The following TEX15 variants were observed in gnomAD, a reference collection of about 807,000 sequenced individuals.
The protein encoded by TEX15 is testis expressed 15, meiosis and synapsis associated, also known as testis-expressed protein 15.
TEX15 carries 171 observed loss-of-function variants against 237.3 expected under a neutral mutation model. The observed-to-expected ratio is 0.72, with a 90% CI of 0.64 to 0.82. The LOEUF is 0.82. Among genes scored for constraint, TEX15 ranks in the 40% least tolerant of loss-of-function variants. The pLI, the probability that TEX15 is intolerant of heterozygous loss-of-function variation, is 0.00. For missense variants in TEX15, 3,750 were observed against 3,646.5 expected, an observed-to-expected ratio of 1.03 and a Z score of -0.73; for synonymous variants, 1,338 against 1,269.8, an observed-to-expected ratio of 1.05 and a Z score of -1.14.
At position 30,841,951 on chromosome 8, in the gene TEX15, G is replaced by A. The variant is rs1807463760; in HGVS notation, c.8163+53C>T. The A allele has an allele frequency of 4.6e-6, 6 of 1,297,058 alleles. No individual in the cohort carries two copies. In the Middle Eastern group the frequency reaches 5.8e-4, roughly 126 times the overall value. 80.3% of individuals were successfully genotyped at this position (1,297,058 alleles called of 1,614,324 possible). On this transcript the variant is annotated intron_variant, in intron 8 of 10. Transcript: ENST00000643185. Reference sequence around the variant, plus strand: ...CAAACTACTTGTTTGCTTATGAGTAGACTTGTTTTCAAAAAGAATACTTAT... The same window carrying A: ...CAAACTACTTGTTTGCTTATGAGTAAACTTGTTTTCAAAAAGAATACTTAT...
At chr8:30,888,271 G>C (rs778068457) in intron 2 of TEX15, among the ~76,000 whole-genome samples, 1 of 151,830 alleles carries the variant, frequency 6.6e-6, no homozygotes, top group Admixed American at 6.6e-5. Context: ...TGACTAAAAC[G>C]ATACTCTCTT....
At chr8:30,880,147 C>T (rs1025502621) in intron 3 of TEX15, among the ~76,000 whole-genome samples, 12 of 152,032 alleles carry the variant, frequency 7.9e-5, no homozygotes, top group African/African-American at 2.9e-4. Flanking sequence ...TCATGACTCA[C>T]CCTCCCAAGT....
chr8:30,884,495 A>G (rs906437771), intron 3 of TEX15, among the ~76,000 whole-genome samples: 3 of 152,194 alleles, frequency 2.0e-5, no homozygotes, highest in African/African-American at 7.2e-5. Flanking sequence ...TTAGTTATTG[A>G]TTCAATTTGT....
At chr8:30,887,646 A>G (rs1180423088) in intron 2 of TEX15, 1 of 157,936 alleles carries the variant, frequency 6.3e-6, no homozygotes, top group Non-Finnish European at 1.4e-5. Context: ...TAAAAATACA[A>G]AAAAATTAGC....
At chr8:30,835,691 G>A (rs1775734627) in intron 10 of TEX15, among the ~76,000 whole-genome samples, 2 of 152,248 alleles carry the variant, frequency 1.3e-5, no homozygotes, top group Non-Finnish European at 1.5e-5. Context: ...TTTTTCTGCA[G>A]GATAATTGTT....
rs1331066983 is a variant in TEX15, at chr8:30,846,250, A to C, written c.3917T>G (p.Ile1306Arg). The change falls in exon 8 of 11, where the codon ATA becomes AGA. Residue 1306 changes from isoleucine to arginine, a missense_variant. Transcript: ENST00000643185. ...ESRISKRKLH[I>R]SSRDQNIPHK... The stretch of plus-strand genomic sequence containing the variant: ...TGGTATGTTCTGATCCCTGGAAGAT[A>C]TATGTAGCTTCCTTTTGCTAATTCT... The C allele has an allele frequency of 1.2e-6, 2 of 1,613,400 alleles. No individual in the cohort carries two copies. The highest frequency in any genetic ancestry group is 1.7e-6 in the Non-Finnish European group (2 of 1,179,682).
rs1397695139 is a variant in TEX15, at chr8:30,881,685, G to A, written c.136+5482C>T. Among the ~76,000 whole-genome samples, 3 of 143,412 alleles carry A rather than the reference G, an allele frequency of 2.1e-5. No homozygotes were observed. The South Asian group carries it at 6.5e-4, about 31-fold the overall frequency. 94.1% of individuals were successfully genotyped at this position (143,412 alleles called of 152,430 possible). ...CACCCAGGCTGGAGTGCAATGGCGC[G>A]ATCTTGGCTCACTGCAACCTCCACC... is the stretch of plus-strand genomic sequence containing the variant. On this transcript the variant is annotated intron_variant, in intron 3 of 10. Coordinates refer to ENST00000643185, the MANE Select transcript of TEX15 (RefSeq NM_001350162.2).
chr8:30,872,204 T>C (rs1808305333), intron 4 of TEX15, among the ~76,000 whole-genome samples: 1 of 152,132 alleles, frequency 6.6e-6, no homozygotes, highest in Non-Finnish European at 1.5e-5. Flanking sequence ...CCAGATTGCA[T>C]TTAAAATACA....
chr8:30,870,690 T>C (rs1455873263), intron 4 of TEX15, among the ~76,000 whole-genome samples: 1 of 152,084 alleles, frequency 6.6e-6, no homozygotes, highest in African/African-American at 2.4e-5. Context: ...ACCAAAACGC[T>C]GACAGCTAAG....
chr8:30,888,838 G>T, intron 2 of TEX15: 2 of 336,370 alleles, frequency 5.9e-6, no homozygotes, highest in Non-Finnish European at 1.1e-5. Context: ...AATCAAACAT[G>T]GATCAGGGAA....
At chr8:30,889,952 T>TATATATATAC (rs1264779192) in intron 2 of TEX15, among the ~76,000 whole-genome samples, 1 of 131,944 alleles carries the variant, frequency 7.6e-6, no homozygotes, top group African/African-American at 3.4e-5. Flanking sequence ...TATATATATA[T>TATATATATAC]ACATATATAT....
At position 30,847,904 on chromosome 8, in the gene TEX15, G is replaced by C. The variant is rs1324962756; in HGVS notation, c.2263C>G (p.Gln755Glu). ...TCAGTTATAATGCTAGCATAATTTT[G>C]ATTTATTTTCCCCAATTTCAGTTCC... Reference protein sequence around the residue: ...LMELKLGKINQNYASIITEAF... With the variant: ...LMELKLGKINENYASIITEAF... Residue 755 changes from glutamine to glutamate, a missense_variant, in exon 8 of 11, where the codon CAA (glutamine) becomes GAA (glutamate). Gln to Glu is a conservative substitution (Grantham distance 29). Transcript: ENST00000643185. 2.5e-6 allele frequency: 4 copies of C among 1,613,800 alleles called. No individual in the cohort carries two copies. Among genetic ancestry groups the C allele is most frequent in the Non-Finnish European group, 3.4e-6 (4 of 1,179,906 alleles).
chr8:30,867,368 A>G lies in TEX15; in HGVS notation c.437T>C (p.Leu146Pro). ...ISTRASTLKI[L>P]GNPLLGIYMF... ...ATAAATTCCAAGAAGAGGATTTCCT[A>G]GTATCTTCAATGTAGATGCTCTGGT... Residue 146 changes from leucine to proline, a missense_variant, in exon 5 of 11, where the codon CTA becomes CCA. Transcript: ENST00000643185. The G allele has an allele frequency of 6.5e-7, 1 of 1,530,086 alleles. No homozygotes were observed. Among genetic ancestry groups the G allele is most frequent in the Non-Finnish European group, 8.8e-7 (1 of 1,141,672 alleles). The allele number at this position is 1,530,086 out of a possible 1,614,324, so 94.8% of individuals were successfully genotyped here.
intron 1 of TEX15, among the ~76,000 whole-genome samples, chr8:30,910,978 A>T (rs895986154): frequency 6.6e-6 from 1 of 152,136 alleles, no homozygotes; most frequent in African/African-American, 2.4e-5. Context: ...AGTTCCCTTA[A>T]CTTCAACTGT....
rs144848758 is a variant in TEX15 at position 30,843,440 on chromosome 8, C to T, written c.6727G>A (p.Glu2243Lys). The T allele has an allele frequency of 1.2e-6, 2 of 1,612,898 alleles. No individual in the cohort carries two copies. Among genetic ancestry groups the T allele is most frequent in the South Asian group, 1.1e-5 (1 of 90,992 alleles). The change falls in exon 8 of 11, where the codon GAA becomes AAA. Residue 2243 changes from glutamate (E) to lysine (K), a missense_variant. Coordinates refer to ENST00000643185, the MANE Select transcript of TEX15 (RefSeq NM_001350162.2). ...AAATTAACCTTTGAGGAGATCATTT[C>T]TATGATAATCCACAGATGGTCCTGT... ...GKQDHLWIIIEMISSKVNFIK... is the reference protein window; with the variant it reads ...GKQDHLWIIIKMISSKVNFIK...
intron 7 of TEX15, among the ~76,000 whole-genome samples, chr8:30,851,100 C>A (rs1403353303): frequency 6.6e-6 from 1 of 152,076 alleles, no homozygotes; most frequent in Admixed American, 6.5e-5. Flanking sequence ...TCATTCAAAG[C>A]AAACCCATTC....
intron 1 of TEX15, among the ~76,000 whole-genome samples, chr8:30,907,736 G>C (rs1373373855): frequency 9.3e-6 from 1 of 107,612 alleles, no homozygotes; most frequent in African/African-American, 3.5e-5. Flanking sequence ...ATATAAATTA[G>C]ATATAAAATT....
rs779956474 is a variant in TEX15, at chr8:30,847,092, C to G, written c.3075G>C (p.Arg1025Ser). 3.7e-6 allele frequency: 6 copies of G among 1,613,358 alleles called. No homozygotes were observed. Among genetic ancestry groups the G allele is most frequent in the African/African-American group, 1.3e-5 (1 of 74,888 alleles). The change falls in exon 8 of 11, where the codon AGG becomes AGC. Residue 1025 changes from arginine to serine, a missense_variant. Arg to Ser is a moderately radical substitution (Grantham distance 110). Coordinates refer to ENST00000643185, the MANE Select transcript of TEX15 (RefSeq NM_001350162.2). Reference protein sequence around the residue: ...SPDFGLLVKHRVSDCEIDTDK... With the variant: ...SPDFGLLVKHSVSDCEIDTDK... ...CCGTATCAATTTCACAATCAGAAAC[C>G]CTATGTTTTACTAACAAACCAAAAT...
In TEX15 at chr8:30,844,303, A is replaced by C. The variant is rs754566532; in HGVS notation, c.5864T>G (p.Val1955Gly). 1 of 1,612,918 alleles carries C rather than the reference A, an allele frequency of 6.2e-7. No individual in the cohort carries two copies. Among genetic ancestry groups the C allele is most frequent in the South Asian group, 1.1e-5 (1 of 90,962 alleles). ...GGCAGGTAAAATAGGCGTATGATTA[A>C]CTCCTAGAATTCCTGGTTTGGAAAT... ...AYISKPGILG[V>G]NHTPILPAHS... Residue 1955 changes from valine to glycine, a missense_variant, in exon 8 of 11, where the codon GTT (valine) becomes GGT (glycine). Coordinates refer to ENST00000643185, the MANE Select transcript of TEX15 (RefSeq NM_001350162.2).
Sources: gnomAD v4.1 joint callset for allele counts (sites outside exome capture counted in the v4.1 genomes callset) on GRCh38, gnomAD v4.1.1 for gene constraint, MANE v1.5 for transcripts, NCBI Gene and HGNC (gene_info 2026-07-23, HGNC 2026-07-21) for gene names.